MTARC1: variants seen among roughly 807,000 people sequenced by gnomAD.
MTARC1 encodes mitochondrial amidoxime-reducing component 1.
A neutral mutation model predicts 33.6 loss-of-function variants in MTARC1; 24 were observed. The observed-to-expected ratio is 0.72, with a 90% CI of 0.52 to 1.01. The LOEUF is 1.01. Ranked by LOEUF, MTARC1 falls within the 50% of genes least tolerant of loss-of-function variation. The probability of loss-of-function intolerance (pLI) is 0.00; values close to 1 mark genes in which losing one functional copy is unlikely to be tolerated. For missense variants in MTARC1, 417 were observed against 445.7 expected, an observed-to-expected ratio of 0.94 and a Z score of 0.58; for synonymous variants, 187 against 189.5, an observed-to-expected ratio of 0.99 and a Z score of 0.11.
intron 4 of MTARC1, among the ~76,000 whole-genome samples, chr1:220,802,668 A>G (rs1189806343): frequency 6.6e-6 from 1 of 152,142 alleles, no homozygotes; most frequent in African/African-American, 2.4e-5. Flanking sequence ...GTTTCTATCC[A>G]GGGCAGCATG....
chr1:220,796,727 C>T lies in MTARC1; in HGVS notation c.534C>T (p.Tyr178=), dbSNP rs1672630333. The change falls in exon 3 of 7, where the codon TAC becomes TAT. Residue 178 remains tyrosine (Y), a synonymous_variant. Coordinates refer to ENST00000366910, the MANE Select transcript of MTARC1 (RefSeq NM_022746.4). ...CCAGCTTCCTGAAGTCACAGCCCTA[C>T]CGCCTGGTGCACTTCGAGCCTCACA... The part of the protein sequence containing the change: ...WITSFLKSQP[Y]RLVHFEPHMR... 6.2e-7 allele frequency: 1 copy of T among 1,612,970 alleles called. No individual in the cohort carries two copies. The highest frequency in any genetic ancestry group is 8.5e-7 in the Non-Finnish European group (1 of 1,179,594).
In MTARC1 at chr1:220,797,855, A is replaced by G. The variant is rs760579417; in HGVS notation, c.613-19A>G. The G allele has an allele frequency of 1.5e-5, 25 of 1,613,192 alleles. No homozygotes were observed. In the East Asian group the frequency reaches 5.1e-4, roughly 33 times the overall value. ...AGTTGGTGTGCCATGTGTTATAACA[A>G]TGTCTATTTCCTTATCAGATTGCTT... On this transcript the variant is annotated intron_variant, in intron 3 of 6. Transcript: ENST00000366910.
chr1:220,798,294 T>A, intron 4 of MTARC1: 1 of 1,321,858 alleles, frequency 7.6e-7, no homozygotes, highest in East Asian at 4.2e-5. Flanking sequence ...TTGAGTCACA[T>A]TTTCTTGCAT....
rs988969440 is a variant in MTARC1, at chr1:220,819,434, T to C, written c.*6016T>C. On this transcript the variant is annotated 3_prime_UTR_variant, in exon 7 of 7. Coordinates refer to ENST00000366910, the MANE Select transcript of MTARC1 (RefSeq NM_022746.4). ...GAGCTTTTGTGGGGCTAAGAGATCT[T>C]GTATATATGCTATCAAAAGGCTGAG... The C allele has an allele frequency of 6.6e-6, 1 of 152,204 alleles. No individual in the cohort carries two copies. Among genetic ancestry groups the C allele is most frequent in the African/African-American group, 2.4e-5 (1 of 41,450 alleles). 9.4% of individuals were successfully genotyped at this position (152,204 alleles called of 1,614,324 possible).
intron 4 of MTARC1, among the ~76,000 whole-genome samples, chr1:220,801,320 G>C (rs765051136): frequency 6.6e-6 from 1 of 151,318 alleles, no homozygotes; most frequent in Non-Finnish European, 1.5e-5. Context: ...CCCCTGCTGC[G>C]GGCTTCACTG....
chr1:220,796,147 G>GTT (rs1470842781), intron 2 of MTARC1, among the ~76,000 whole-genome samples: 1 of 151,962 alleles, frequency 6.6e-6, no homozygotes, highest in East Asian at 1.9e-4. Flanking sequence ...GTTAATGATT[G>GTT]TTATATATAT....
At position 220,816,063 on chromosome 1, in the gene MTARC1, C is replaced by T. The variant is rs574744269; in HGVS notation, c.*2645C>T. The T allele has an allele frequency of 3.9e-5, 6 of 152,232 alleles. No homozygotes were observed. In the South Asian group the frequency reaches 6.2e-4, roughly 16 times the overall value. The allele number at this position is 152,232 out of a possible 1,614,324, so 9.4% of individuals were successfully genotyped here. On this transcript the variant is annotated 3_prime_UTR_variant, in exon 7 of 7. Coordinates refer to ENST00000366910, the MANE Select transcript of MTARC1 (RefSeq NM_022746.4). ...AAGGGGAGGCTGTTGGAATTCAGGC[C>T]GTTGTCCTATAGGGAGAAATACTCC...
rs1673309676 is a variant in MTARC1 at position 220,817,670 on chromosome 1, C to T, written c.*4252C>T. On this transcript the variant is annotated 3_prime_UTR_variant, in exon 7 of 7. Transcript: ENST00000366910. ...TCCTCTAGCTAGAAAGAAAAGTTCTCCAAGTCCCCACTAGACCCAGGAAGT... is the reference window on the plus strand; with the variant it reads ...TCCTCTAGCTAGAAAGAAAAGTTCTTCAAGTCCCCACTAGACCCAGGAAGT... The T allele has an allele frequency of 6.6e-6, 1 of 152,318 alleles. No individual in the cohort carries two copies. Among genetic ancestry groups the T allele is most frequent in the Admixed American group, 6.5e-5 (1 of 15,270 alleles). 9.4% of individuals were successfully genotyped at this position (152,318 alleles called of 1,614,324 possible). A position where few individuals can be genotyped will look rare whatever the true frequency, so the allele number is the denominator to read the frequency against.
chr1:220,814,552 A>G lies in MTARC1; in HGVS notation c.*1134A>G, dbSNP rs1024332533. Reference sequence around the variant, plus strand: ...AGACCAGCCCAGAAAATATAATGGGATCCTGTCGCTACAAAATGTTTTTAA... The same window carrying G: ...AGACCAGCCCAGAAAATATAATGGGGTCCTGTCGCTACAAAATGTTTTTAA... On this transcript the variant is annotated 3_prime_UTR_variant, in exon 7 of 7. Coordinates refer to ENST00000366910, the MANE Select transcript of MTARC1 (RefSeq NM_022746.4). The G allele has an allele frequency of 2.0e-5, 3 of 152,094 alleles. No individual in the cohort carries two copies. Among genetic ancestry groups the G allele is most frequent in the African/African-American group, 7.2e-5 (3 of 41,394 alleles). 9.4% of individuals were successfully genotyped at this position (152,094 alleles called of 1,614,324 possible).
At position 220,797,980 on chromosome 1, in the gene MTARC1, A is replaced by G. The variant is rs149527832; in HGVS notation, c.719A>G (p.Asn240Ser). ...KKVKATNFRP[N>S]IVISGCDVYA... ...GTTAAAGCAACCAACTTCAGGCCCA[A>G]TATTGTAATTTCAGGATGCGATGTC... Residue 240 changes from asparagine (N) to serine (S), a missense_variant, in exon 4 of 7, where the codon AAT (asparagine) becomes AGT (serine). By Grantham distance (46) the Asn-to-Ser change is conservative (BLOSUM62 1). Coordinates refer to ENST00000366910, the MANE Select transcript of MTARC1 (RefSeq NM_022746.4). 1 of 1,614,202 alleles carries G rather than the reference A, an allele frequency of 6.2e-7. No homozygotes were observed. Among genetic ancestry groups the G allele is most frequent in the African/African-American group, 1.3e-5 (1 of 75,050 alleles).
intron 1 of MTARC1, among the ~76,000 whole-genome samples, chr1:220,788,553 C>A (rs1672313732): frequency 6.6e-6 from 1 of 152,120 alleles, no homozygotes; most frequent in East Asian, 1.9e-4. Context: ...CTTTGGGAGG[C>A]CGAGGCGGGT....
chr1:220,812,258 A>G (rs573839297), intron 6 of MTARC1, among the ~76,000 whole-genome samples: 47 of 152,358 alleles, frequency 3.1e-4, no homozygotes, highest in African/African-American at 1.1e-3. Context: ...GGTCTGAAAA[A>G]GCAGGCTGGG....
chr1:220,792,450 T>C (rs990825178), intron 2 of MTARC1, among the ~76,000 whole-genome samples: 1 of 152,190 alleles, frequency 6.6e-6, no homozygotes, highest in African/African-American at 2.4e-5. Flanking sequence ...GTTTATAGCC[T>C]ATCATAAAAA....
intron 4 of MTARC1, among the ~76,000 whole-genome samples, chr1:220,804,731 T>A (rs1672919246): frequency 6.7e-6 from 1 of 149,122 alleles, no homozygotes. Context: ...CCATTCACTT[T>A]GTGCACCCCA....
Position 220,807,885 on chromosome 1 carries a change from C to T in MTARC1, c.887+2611C>T, listed in dbSNP as rs369072819. On this transcript the variant is annotated intron_variant, in intron 6 of 6. Transcript: ENST00000366910. The stretch of plus-strand genomic sequence containing the variant: ...AGGGGCAGAAAGCAGGGTGGGCCAG[C>T]GGGAAGATCCCGGGCTGGGAGTCAG... Among the ~76,000 whole-genome samples, 7 of 152,170 alleles carry T rather than the reference C, an allele frequency of 4.6e-5. No homozygotes were observed. In the East Asian group the frequency reaches 5.8e-4, roughly 13 times the overall value.
intron 2 of MTARC1, chr1:220,793,389 A>G (rs1003712064): frequency 7.2e-5 from 11 of 152,226 alleles, no homozygotes; most frequent in Admixed American, 5.2e-4. Flanking sequence ...CATTTGGTCC[A>G]TGCCCAAAAG....
rs1480842978 is a variant in MTARC1, at chr1:220,813,780, G to A, written c.*362G>A. On this transcript the variant is annotated 3_prime_UTR_variant, in exon 7 of 7. Coordinates refer to ENST00000366910, the MANE Select transcript of MTARC1 (RefSeq NM_022746.4). ...ACCACTCGTTAGAGAAAGAGAAGAA[G>A]AGAAAGAGGAAGAGTGGGTGGGCTG... 1 of 200,690 alleles carries A rather than the reference G, an allele frequency of 5.0e-6. No individual in the cohort carries two copies. Among genetic ancestry groups the A allele is most frequent in the Non-Finnish European group, 1.0e-5 (1 of 96,398 alleles). The allele number at this position is 200,690 out of a possible 1,614,324, so 12.4% of individuals were successfully genotyped here.
intron 4 of MTARC1, among the ~76,000 whole-genome samples, chr1:220,803,694 G>GT (rs34028233): frequency 5.1e-4 from 76 of 149,206 alleles, no homozygotes; most frequent in African/African-American, 1.0e-3. Flanking sequence ...ATCTCCAGTA[G>GT]TTTTTTTTTT....
At position 220,791,535 on chromosome 1, in the gene MTARC1, G is replaced by T. The variant is rs138536467; in HGVS notation, c.320G>T (p.Arg107Leu). 2.7e-4 allele frequency: 433 copies of T among 1,614,106 alleles called. No individual in the cohort carries two copies. The highest frequency in any genetic ancestry group is 3.4e-4 in the Non-Finnish European group (402 of 1,180,022). The change falls in exon 2 of 7, where the codon CGC becomes CTC. Residue 107 changes from arginine to leucine, a missense_variant. Coordinates refer to ENST00000366910, the MANE Select transcript of MTARC1 (RefSeq NM_022746.4). ...INQEGNMVTA[R>L]QEPRLVLISL... is the part of the protein sequence containing the mutation. ...CAGGAGGGAAACATGGTTACTGCTC[G>T]CCAGGAACCTCGCCTGGTCCTGATT... is the stretch of plus-strand genomic sequence containing the variant.
Sources: gnomAD v4.1 joint callset for allele counts (sites outside exome capture counted in the v4.1 genomes callset) on GRCh38, gnomAD v4.1.1 for gene constraint, MANE v1.5 for transcripts, NCBI Gene and HGNC (gene_info 2026-07-23, HGNC 2026-07-21) for gene names.